The following TBC1D1 variants were observed in gnomAD, a reference collection of about 807,000 sequenced individuals.
TBC1D1 encodes the protein TBC1 (tre-2/USP6, BUB2, cdc16) domain family, member 1.
TBC1D1 carries 89 observed loss-of-function variants against 125.6 expected under a neutral mutation model. That is an observed-to-expected ratio of 0.71 (90% confidence interval 0.60 to 0.85). The LOEUF is 0.85. TBC1D1 is among the 40% of genes least tolerant of loss of function. The pLI is 0.00. For missense variants in TBC1D1, 1,377 were observed against 1,469.2 expected, an observed-to-expected ratio of 0.94 and a Z score of 1.03; for synonymous variants, 565 against 564.1, an observed-to-expected ratio of 1.00 and a Z score of -0.02.
intron 12 of TBC1D1, among the ~76,000 whole-genome samples, chr4:38,064,100 T>G (rs1470976096): frequency 6.6e-6 from 1 of 152,248 alleles, no homozygotes; most frequent in Non-Finnish European, 1.5e-5. Context: ...TGTGGTCTTT[T>G]GTGTCTGGCT....
intron 2 of TBC1D1, among the ~76,000 whole-genome samples, chr4:38,012,659 C>T (rs1741756550): frequency 6.6e-6 from 1 of 152,210 alleles, no homozygotes; most frequent in Admixed American, 6.5e-5. Context: ...GCTCTCTTCT[C>T]TCTGTCCTGT....
chr4:38,057,997 A>G (rs1036873549), intron 12 of TBC1D1, among the ~76,000 whole-genome samples: 11 of 152,152 alleles, frequency 7.2e-5, no homozygotes, highest in African/African-American at 2.7e-4. Context: ...CCCTATAGGC[A>G]TCTGTGTTGG....
chr4:38,088,572 C>T (rs965554322), intron 12 of TBC1D1, among the ~76,000 whole-genome samples: 2 of 152,286 alleles, frequency 1.3e-5, no homozygotes, highest in African/African-American at 4.8e-5. Context: ...TTAGGGCTTA[C>T]AGTTGAGTAG....
At chr4:37,951,535 T>A (rs1560521387) in intron 2 of TBC1D1, among the ~76,000 whole-genome samples, 4 of 152,192 alleles carry the variant, frequency 2.6e-5, no homozygotes, top group Admixed American at 1.3e-4. Flanking sequence ...CCCTAATTTG[T>A]TAACATATCA....
At chr4:38,083,202 T>C (rs183358282) in intron 12 of TBC1D1, among the ~76,000 whole-genome samples, 201 of 152,304 alleles carry the variant, frequency 1.3e-3, no homozygotes, top group African/African-American at 4.5e-3. Context: ...TGCTAAAGAA[T>C]GTATATATGA....
At chr4:37,909,619 T>C (rs114087183) in intron 2 of TBC1D1, among the ~76,000 whole-genome samples, 23 of 152,300 alleles carry the variant, frequency 1.5e-4, no homozygotes, top group Admixed American at 3.3e-4. Context: ...TTGAAGAACA[T>C]AGTATTATTT....
intron 18 of TBC1D1, among the ~76,000 whole-genome samples, chr4:38,129,716 C>A (rs771054149): frequency 1.3e-5 from 2 of 152,088 alleles, no homozygotes; most frequent in Non-Finnish European, 2.9e-5. Context: ...GAGCCAAGAA[C>A]ATAAACAGAC....
intron 1 of TBC1D1, among the ~76,000 whole-genome samples, chr4:37,893,808 G>A (rs1713913122): frequency 6.6e-6 from 1 of 152,158 alleles, no homozygotes; most frequent in Admixed American, 6.6e-5. Flanking sequence ...CAGCAGCAGA[G>A]TAGTGTTGGG....
chr4:37,908,453 G>T (rs555311440), intron 2 of TBC1D1, among the ~76,000 whole-genome samples: 1 of 152,212 alleles, frequency 6.6e-6, no homozygotes, highest in African/African-American at 2.4e-5. Context: ...TGATCCGCCC[G>T]CTTCCACCTC....
chr4:38,000,397 A>G (rs899126638), intron 2 of TBC1D1, among the ~76,000 whole-genome samples: 1 of 152,196 alleles, frequency 6.6e-6, no homozygotes, highest in African/African-American at 2.4e-5. Context: ...AGGACCAGCA[A>G]GTGTTGTAGA....
intron 8 of TBC1D1, among the ~76,000 whole-genome samples, chr4:38,037,591 T>C (rs932482145): frequency 7.2e-5 from 11 of 152,294 alleles, no homozygotes; most frequent in African/African-American, 2.4e-4. Context: ...CACGTGGATT[T>C]CATTACCTTC....
rs988525674 is a variant in TBC1D1 at position 38,052,141 on chromosome 4, G to A, written c.1911-2058G>A. Reference sequence around the variant, plus strand: ...CTGATGAGGATGTGCTGAATGGGGGGAATGTCCATGCAGGAAGCAGAGCCA... The same window carrying A: ...CTGATGAGGATGTGCTGAATGGGGGAAATGTCCATGCAGGAAGCAGAGCCA... On this transcript the variant is annotated intron_variant, in intron 11 of 19. Transcript: ENST00000261439. 14 of 1,419,192 alleles carry A rather than the reference G, an allele frequency of 9.9e-6. No homozygotes were observed. In the African/African-American group the frequency reaches 1.4e-4, roughly 15 times the overall value. The allele number at this position is 1,419,192 out of a possible 1,614,324, so 87.9% of individuals were successfully genotyped here.
Position 38,049,611 on chromosome 4 carries a change from C to T in TBC1D1, c.1630-7C>T. On this transcript the variant is annotated splice_region_variant and splice_polypyrimidine_tract_variant and intron_variant, in intron 10 of 19. Transcript: ENST00000261439. The stretch of plus-strand genomic sequence containing the variant: ...GTGTGTCTGATCTGCTGTGTGTTTG[C>T]TCCCAGGAGCCATCTGTGTGTGAAA... 1 of 1,596,422 alleles carries T rather than the reference C, an allele frequency of 6.3e-7. No individual in the cohort carries two copies. The highest frequency in any genetic ancestry group is 1.1e-5 in the South Asian group (1 of 89,302).
At chr4:38,045,463 G>T (rs186492576) in intron 9 of TBC1D1, among the ~76,000 whole-genome samples, 2 of 152,202 alleles carry the variant, frequency 1.3e-5, no homozygotes, top group Non-Finnish European at 2.9e-5. Flanking sequence ...AGTGCTGTCC[G>T]AGTGACATGC....
chr4:38,098,804 G>C (rs1180230088), intron 14 of TBC1D1, among the ~76,000 whole-genome samples: 1 of 152,128 alleles, frequency 6.6e-6, no homozygotes, highest in Non-Finnish European at 1.5e-5. Context: ...TTGTAAGAGA[G>C]GACAGTTGTG....
intron 13 of TBC1D1, among the ~76,000 whole-genome samples, chr4:38,092,795 A>G (rs974002425): frequency 6.6e-6 from 1 of 151,848 alleles, no homozygotes; most frequent in African/African-American, 2.4e-5. Flanking sequence ...TCAGGGTCTC[A>G]GGGGGCCAGA....
At chr4:38,017,713 A>G (rs1743057535) in intron 3 of TBC1D1, among the ~76,000 whole-genome samples, 2 of 152,170 alleles carry the variant, frequency 1.3e-5, no homozygotes, top group African/African-American at 4.8e-5. Flanking sequence ...AGAAACCAAC[A>G]CACACTGAAA....
rs185775578 is a variant in TBC1D1, at chr4:37,979,026, G to A, written c.418-35483G>A. Among the ~76,000 whole-genome samples, 310 of 152,244 alleles carry A rather than the reference G, an allele frequency of 2.0e-3. 1 individual carries two copies. Among genetic ancestry groups the A allele is most frequent in the African/African-American group, 7.3e-3 (302 of 41,528 alleles). On this transcript the variant is annotated intron_variant, in intron 2 of 19. Coordinates refer to ENST00000261439, the MANE Select transcript of TBC1D1 (RefSeq NM_015173.4). The stretch of plus-strand genomic sequence containing the variant: ...CCAGTAGCTGGGATTACAGCTGTGC[G>A]CCACCACTCCCAGCTAATTTTTGTA...
chr4:38,002,030 G>A (rs1400713453), intron 2 of TBC1D1, among the ~76,000 whole-genome samples: 2 of 152,146 alleles, frequency 1.3e-5, no homozygotes, highest in South Asian at 2.1e-4. Context: ...GGGGTCTGTG[G>A]CACGAAAAGT....
Sources: gnomAD v4.1 joint callset for allele counts (sites outside exome capture counted in the v4.1 genomes callset) on GRCh38, gnomAD v4.1.1 for gene constraint, MANE v1.5 for transcripts, NCBI Gene and HGNC (gene_info 2026-07-23, HGNC 2026-07-21) for gene names.